CCDC146: variants seen among roughly 807,000 people sequenced by gnomAD.
The protein encoded by CCDC146 is coiled-coil domain containing 146.
A neutral mutation model predicts 119.3 loss-of-function variants in CCDC146; 92 were observed. The ratio of observed to expected loss-of-function variants is 0.77; its 90% CI spans 0.65 to 0.92. CCDC146 has a LOEUF of 0.92. Among genes scored for constraint, CCDC146 ranks in the 40% least tolerant of loss-of-function variants. CCDC146 has a pLI of 0.00. For synonymous variants in CCDC146, 372 were observed against 371.8 expected (o/e 1.00, Z -0.01); for missense variants, 1,000 against 1,103.0 (o/e 0.91, Z 1.32).
At chr7:77,202,695 G>A (rs1410092734) in intron 2 of CCDC146, among the ~76,000 whole-genome samples, 1 of 152,192 alleles carries the variant, frequency 6.6e-6, no homozygotes, top group Non-Finnish European at 1.5e-5. Context: ...CTCCCCTAAT[G>A]AGTGTATAAC....
In CCDC146 at chr7:77,259,066, A is replaced by G; in HGVS notation, c.756A>G (p.Lys252=). The change falls in exon 7 of 19, where the codon AAA becomes AAG. Residue 252 remains lysine (K), a splice_region_variant and synonymous_variant. Coordinates refer to ENST00000285871, the MANE Select transcript of CCDC146 (RefSeq NM_020879.3). ...GKEIEKITRK[K]VEMEKKKIVL... The stretch of plus-strand genomic sequence containing the variant: ...AGATAGAAAAAATAACACGCAAAAA[A>G]GTGTATGATTTAATATTTTTACTTT... 6.3e-7 allele frequency: 1 copy of G among 1,589,516 alleles called. No homozygotes were observed. Among genetic ancestry groups the G allele is most frequent in the Non-Finnish European group, 8.6e-7 (1 of 1,158,930 alleles).
At chr7:77,183,525 C>A (rs1584049450) in intron 2 of CCDC146, among the ~76,000 whole-genome samples, 1 of 152,270 alleles carries the variant, frequency 6.6e-6, no homozygotes, top group Middle Eastern at 3.4e-3. Context: ...TTATTGTTTT[C>A]CTAACTAGTG....
At position 77,196,329 on chromosome 7, in the gene CCDC146, A is replaced by G. The variant is rs1477430333; in HGVS notation, c.156+28505A>G. 1 of 1,614,022 alleles carries G rather than the reference A, an allele frequency of 6.2e-7. No homozygotes were observed. Among genetic ancestry groups the G allele is most frequent in the Admixed American group, 1.7e-5 (1 of 59,994 alleles). On this transcript the variant is annotated intron_variant, in intron 2 of 18. Transcript: ENST00000285871. The surrounding 1 kb of genome is among the most constrained non-coding windows in gnomAD (Gnocchi z 4.2). Reference sequence around the variant, plus strand: ...ATCATCATCTTAGCCTCTTTGAAGGAGGACTTGTAGCCACCAGGGTGTGCC... The same window carrying G: ...ATCATCATCTTAGCCTCTTTGAAGGGGGACTTGTAGCCACCAGGGTGTGCC...
At chr7:77,287,693 G>T in intron 17 of CCDC146, 116 bp downstream of exon 17, 1 of 1,099,768 alleles carries the variant, frequency 9.1e-7, no homozygotes, top group Non-Finnish European at 1.3e-6. Flanking sequence ...TTTATGACTA[G>T]GGGAACTTAG....
rs1191305460 is a variant in CCDC146, at chr7:77,196,262, G to A, written c.156+28438G>A. 9 of 1,580,768 alleles carry A rather than the reference G, an allele frequency of 5.7e-6. No individual in the cohort carries two copies. The highest frequency in any genetic ancestry group is 2.2e-5 in the East Asian group (1 of 44,564). ...CCCTATTAGATAACGAATACCTGGAGGAATGAACAGAGTGATTTATGGCTT... is the reference window on the plus strand; with the variant it reads ...CCCTATTAGATAACGAATACCTGGAAGAATGAACAGAGTGATTTATGGCTT... On this transcript the variant is annotated intron_variant, in intron 2 of 18. Coordinates refer to ENST00000285871, the MANE Select transcript of CCDC146 (RefSeq NM_020879.3). The surrounding 1 kb of genome is among the most constrained non-coding windows in gnomAD (Gnocchi z 4.2).
chr7:77,293,867 C>T (rs1793996803), intron 18 of CCDC146, among the ~76,000 whole-genome samples: 1 of 152,162 alleles, frequency 6.6e-6, no homozygotes, highest in South Asian at 2.1e-4. Flanking sequence ...TGGGTATCAC[C>T]GAAAGGGTCC....
At chr7:77,156,420 TTC>T (rs1485957013) in intron 1 of CCDC146, among the ~76,000 whole-genome samples, 1 of 150,820 alleles carries the variant, frequency 6.6e-6, no homozygotes, top group Non-Finnish European at 1.5e-5. Context: ...CTTTTCAGGA[TTC>T]TTTTTTCGAA....
chr7:77,219,474 G>T (rs1792361887), intron 2 of CCDC146, among the ~76,000 whole-genome samples: 1 of 152,060 alleles, frequency 6.6e-6, no homozygotes, highest in African/African-American at 2.4e-5. Flanking sequence ...GGAAATTCCG[G>T]GATAATCTGT....
At chr7:77,156,945 T>C (rs1304672281) in intron 1 of CCDC146, among the ~76,000 whole-genome samples, 1 of 148,766 alleles carries the variant, frequency 6.7e-6, no homozygotes, top group Non-Finnish European at 1.5e-5. Context: ...TTGAAGGCAC[T>C]TGTCATACAA....
chr7:77,158,443 T>C (rs1170784032), intron 1 of CCDC146, among the ~76,000 whole-genome samples: 1 of 152,154 alleles, frequency 6.6e-6, no homozygotes, highest in East Asian at 1.9e-4. Flanking sequence ...GTCAATCATA[T>C]TGCCTGCAAT....
At chr7:77,286,981 C>G (rs1793860122) in intron 16 of CCDC146, 55 bp downstream of exon 16, 1 of 1,583,722 alleles carries the variant, frequency 6.3e-7, no homozygotes, top group Non-Finnish European at 8.7e-7. Flanking sequence ...TGTAGTTTCA[C>G]AGATACCTAT....
At chr7:77,183,706 T>C (rs1052990249) in intron 2 of CCDC146, among the ~76,000 whole-genome samples, 6 of 152,244 alleles carry the variant, frequency 3.9e-5, no homozygotes, top group South Asian at 2.1e-4. Context: ...CTTCTGCTTC[T>C]GCATGCTCTC....
rs1357666164 is a variant in CCDC146 at position 77,273,773 on chromosome 7, G to A, written c.1253G>A (p.Arg418Lys). Residue 418 changes from arginine (R) to lysine (K), a missense_variant, in exon 10 of 19, where the codon AGG becomes AAG. By Grantham distance (26) the Arg-to-Lys change is conservative. Coordinates refer to ENST00000285871, the MANE Select transcript of CCDC146 (RefSeq NM_020879.3). ...CACAAGGAAGTTGAAGTAGCTAAGA[G>A]GAATTTGGCCCAACAGGTTAATATC... The part of the protein sequence containing the change: ...ELHKEVEVAK[R>K]NLAQQKIISE... The A allele has an allele frequency of 4.3e-6, 7 of 1,609,526 alleles. No individual in the cohort carries two copies. Among genetic ancestry groups the A allele is most frequent in the Non-Finnish European group, 5.9e-6 (7 of 1,176,844 alleles).
chr7:77,254,047 T>C (rs1793130371), intron 4 of CCDC146, among the ~76,000 whole-genome samples: 1 of 152,122 alleles, frequency 6.6e-6, no homozygotes, highest in Non-Finnish European at 1.5e-5. Context: ...AGCAGGGAAG[T>C]GAAGTGATCT....
chr7:77,244,940 T>C (rs1792920520), intron 4 of CCDC146, among the ~76,000 whole-genome samples: 1 of 152,234 alleles, frequency 6.6e-6, no homozygotes, highest in African/African-American at 2.4e-5. Flanking sequence ...AGTTTCTAGA[T>C]AATAGAAGCC....
Position 77,175,222 on chromosome 7 carries a change from G to A in CCDC146, c.156+7398G>A, listed in dbSNP as rs534213649. ...CAAAATCAAAACATTAAATTATTTC[G>A]CCTAAGCGAAATAATTGGCTCTTTG... On this transcript the variant is annotated intron_variant, in intron 2 of 18. Coordinates refer to ENST00000285871, the MANE Select transcript of CCDC146 (RefSeq NM_020879.3). 3.0e-3 allele frequency among the ~76,000 whole-genome samples: 452 copies of A among 150,860 alleles called. 25 individuals carry two copies. Among genetic ancestry groups the A allele is most frequent in the African/African-American group, 0.011 (433 of 40,604 alleles).
intron 2 of CCDC146, among the ~76,000 whole-genome samples, chr7:77,236,735 G>A (rs1376956222): frequency 9.2e-5 from 14 of 152,248 alleles, no homozygotes. Flanking sequence ...GAGTTGAAAA[G>A]ACTTGCCTGA....
At chr7:77,240,005 G>T (rs1284188710) in intron 3 of CCDC146, among the ~76,000 whole-genome samples, 2 of 152,270 alleles carry the variant, frequency 1.3e-5, no homozygotes, top group South Asian at 4.1e-4. Context: ...ATTCATAATT[G>T]CGTATGGGAA....
chr7:77,220,131 G>A (rs937262291), intron 2 of CCDC146, among the ~76,000 whole-genome samples: 7 of 152,116 alleles, frequency 4.6e-5, no homozygotes, highest in Non-Finnish European at 1.0e-4. Flanking sequence ...ATTTCATCCC[G>A]TATCTACAAC....
Sources: allele counts gnomAD v4.1 joint callset (sites outside exome capture counted in the v4.1 genomes callset), GRCh38; gene constraint gnomAD v4.1.1; non-coding constraint Gnocchi (gnomAD v3.1); transcripts MANE v1.5; gene names NCBI Gene and HGNC (gene_info 2026-07-23, HGNC 2026-07-21).